The following SMYD3 variants were observed in gnomAD, a reference collection of about 807,000 sequenced individuals.
The protein encoded by SMYD3 is histone-lysine N-methyltransferase SMYD3.
SMYD3 carries 36 observed loss-of-function variants against 57.7 expected under a neutral mutation model. The observed-to-expected ratio is 0.62, with a 90% CI of 0.48 to 0.82. The LOEUF is 0.82. Among genes scored for constraint, SMYD3 ranks in the 40% least tolerant of loss-of-function variants. The pLI is 0.00. For synonymous variants in SMYD3, 211 were observed against 195.0 expected (o/e 1.08, Z -0.68); for missense variants, 515 against 538.8 (o/e 0.96, Z 0.44).
chr1:245,912,803 G>A (rs998522423), intron 8 of SMYD3, among the ~76,000 whole-genome samples: 6 of 152,244 alleles, frequency 3.9e-5, no homozygotes, highest in South Asian at 2.1e-4. Flanking sequence ...GGATATCCAC[G>A]TGCAGAAGAA....
chr1:246,312,804 C>T (rs181516033), intron 5 of SMYD3, among the ~76,000 whole-genome samples: 1 of 152,268 alleles, frequency 6.6e-6, no homozygotes, highest in Admixed American at 6.5e-5. Context: ...ACTGGTGAGA[C>T]AGGCAGAAGG....
At chr1:245,988,838 A>G (rs1249924543) in intron 5 of SMYD3, among the ~76,000 whole-genome samples, 1 of 152,248 alleles carries the variant, frequency 6.6e-6, no homozygotes, top group Non-Finnish European at 1.5e-5. Flanking sequence ...CAGTAGGAGG[A>G]AAGGGAGTAT....
chr1:246,229,598 T>C (rs552900551), intron 5 of SMYD3, among the ~76,000 whole-genome samples: 1 of 152,274 alleles, frequency 6.6e-6, no homozygotes, highest in Admixed American at 6.5e-5. Context: ...GGATAAACAG[T>C]TCACAGTTCT....
At chr1:246,223,476 T>C (rs2063285565) in intron 5 of SMYD3, among the ~76,000 whole-genome samples, 2 of 152,122 alleles carry the variant, frequency 1.3e-5, no homozygotes, top group South Asian at 4.1e-4. Flanking sequence ...TCTCCATAAT[T>C]CTAGTTTCTT....
chr1:245,830,399 C>T (rs185778198), intron 10 of SMYD3, among the ~76,000 whole-genome samples: 7 of 152,172 alleles, frequency 4.6e-5, no homozygotes, highest in Non-Finnish European at 8.8e-5. Flanking sequence ...TCTTGTGAAA[C>T]TTATTCACTT....
rs147967344 is a variant in SMYD3, at chr1:246,428,904, G to C, written c.165-73810C>G. ...TCCCTCTGCTCTGCCCTCTTCCAGA[G>C]CTAGCTTGCAGCTCAGTCTGGCTCC... On this transcript the variant is annotated intron_variant, in intron 1 of 11. Coordinates refer to ENST00000490107, the MANE Select transcript of SMYD3 (RefSeq NM_001167740.2). Among the ~76,000 whole-genome samples the C allele has an allele frequency of 1.7e-4, 26 of 151,954 alleles. No individual in the cohort carries two copies. In the East Asian group the frequency reaches 4.9e-3, roughly 28 times the overall value.
At chr1:245,821,924 T>C (rs1047668159) in intron 10 of SMYD3, among the ~76,000 whole-genome samples, 1 of 151,018 alleles carries the variant, frequency 6.6e-6, no homozygotes, top group East Asian at 2.0e-4. Flanking sequence ...TGTGGAGAAA[T>C]AGGAACACTT....
chr1:246,458,609 G>T (rs1248861987), intron 1 of SMYD3, among the ~76,000 whole-genome samples: 1 of 132,560 alleles, frequency 7.5e-6, no homozygotes, highest in Non-Finnish European at 1.6e-5. Flanking sequence ...ACCGCGCCTG[G>T]CTGATTTTTT....
At chr1:246,317,603 C>A (rs1050548328) in intron 5 of SMYD3, among the ~76,000 whole-genome samples, 1 of 152,174 alleles carries the variant, frequency 6.6e-6, no homozygotes. Context: ...GTATTGTACA[C>A]GGGGCCTTTC....
intron 5 of SMYD3, among the ~76,000 whole-genome samples, chr1:246,286,338 C>CTT (rs150548291): frequency 0.04 from 6,049 of 151,564 alleles, 399 homozygotes; most frequent in African/African-American, 0.14. Flanking sequence ...AAACACAGCA[C>CTT]TTTTTTTTTA....
intron 5 of SMYD3, among the ~76,000 whole-genome samples, chr1:246,013,839 T>TCC (rs2059328942): frequency 6.6e-6 from 1 of 152,158 alleles, no homozygotes; most frequent in Non-Finnish European, 1.5e-5. Context: ...GCATCAAACA[T>TCC]CCACATTCCT....
intron 8 of SMYD3, among the ~76,000 whole-genome samples, chr1:245,886,808 G>A (rs1048769179): frequency 3.9e-5 from 6 of 152,012 alleles, no homozygotes; most frequent in Admixed American, 2.6e-4. Flanking sequence ...ATTGCGGGTC[G>A]AAAGGCCAAC....
At chr1:245,923,356 C>T (rs910588880) in intron 7 of SMYD3, among the ~76,000 whole-genome samples, 7 of 152,060 alleles carry the variant, frequency 4.6e-5, no homozygotes, top group Non-Finnish European at 2.9e-5. Context: ...AATCATGTCC[C>T]GCTGCTCGTC....
At chr1:246,241,333 G>T (rs900029660) in intron 5 of SMYD3, among the ~76,000 whole-genome samples, 1 of 152,162 alleles carries the variant, frequency 6.6e-6, no homozygotes, top group Non-Finnish European at 1.5e-5. Flanking sequence ...GGCCTTTTCT[G>T]CATCTATTGA....
intron 5 of SMYD3, among the ~76,000 whole-genome samples, chr1:246,041,338 G>A (rs1347826560): frequency 2.0e-5 from 3 of 152,162 alleles, no homozygotes; most frequent in Admixed American, 6.5e-5. Context: ...TCCCCACAGA[G>A]TGAAATGACT....
At chr1:246,400,705 G>T (rs2066753108) in intron 1 of SMYD3, among the ~76,000 whole-genome samples, 1 of 152,066 alleles carries the variant, frequency 6.6e-6, no homozygotes, top group Admixed American at 6.5e-5. Context: ...GGCTACTGTA[G>T]TTGAGATACA....
At position 246,130,317 on chromosome 1, in the gene SMYD3, T is replaced by C. The variant is rs558920031; in HGVS notation, c.531+196884A>G. ...CCAGGCCTCCATATTTTCAGTGTTA[T>C]AAACACTTGAGCTCCCATTTATAAG... On this transcript the variant is annotated intron_variant, in intron 5 of 11. Transcript: ENST00000490107. 3.3e-5 allele frequency among the ~76,000 whole-genome samples: 5 copies of C among 152,152 alleles called. No homozygotes were observed. In the South Asian group the frequency reaches 1.0e-3, roughly 32 times the overall value.
chr1:246,185,449 CTTTTTT>C (rs1183038960), intron 5 of SMYD3, among the ~76,000 whole-genome samples: 2 of 80,044 alleles, frequency 2.5e-5, no homozygotes, highest in South Asian at 4.7e-4. Flanking sequence ...GTTAGTGATT[CTTTTTT>C]TTTTTTTTTT....
chr1:246,305,739 C>T (rs2064967265), intron 5 of SMYD3, among the ~76,000 whole-genome samples: 1 of 152,128 alleles, frequency 6.6e-6, no homozygotes, highest in Admixed American at 6.5e-5. Context: ...AATAAAAAAA[C>T]ATTTTAAGGT....
Sources: allele counts gnomAD v4.1 joint callset (sites outside exome capture counted in the v4.1 genomes callset), GRCh38; gene constraint gnomAD v4.1.1; transcripts MANE v1.5; gene names NCBI Gene and HGNC (gene_info 2026-07-23, HGNC 2026-07-21).